CBR4: variants seen among roughly 807,000 people sequenced by gnomAD.
CBR4 encodes the protein carbonyl reductase 4.
A neutral mutation model predicts 21.0 loss-of-function variants in CBR4; 22 were observed. The observed-to-expected ratio is 1.05, with a 90% CI of 0.75 to 1.50. CBR4 has a LOEUF of 1.50. Among genes scored for constraint, CBR4 ranks in the 40% most tolerant of loss-of-function variants. CBR4 has a pLI of 0.00. For synonymous variants in CBR4, 100 were observed against 104.4 expected (o/e 0.96, Z 0.26); for missense variants, 302 against 286.3 (o/e 1.05, Z -0.40).
intron 2 of CBR4, among the ~76,000 whole-genome samples, chr4:168,935,732 G>T (rs1763093715): frequency 6.6e-6 from 1 of 152,230 alleles, no homozygotes; most frequent in South Asian, 2.1e-4. Context: ...TCTGGGCAGG[G>T]AATCTCTGAA....
intron 2 of CBR4, among the ~76,000 whole-genome samples, chr4:168,909,546 G>T (rs1758476656): frequency 6.6e-6 from 1 of 152,080 alleles, no homozygotes; most frequent in African/African-American, 2.4e-5. Context: ...TTAGTTTGTT[G>T]CTTGTGTTTT....
intron 3 of CBR4, chr4:169,005,876 G>T: frequency 1.6e-6 from 2 of 1,287,922 alleles, no homozygotes; most frequent in Non-Finnish European, 1.0e-6. Flanking sequence ...AAAGAACAGG[G>T]TCACTTACTT....
intron 4 of CBR4, among the ~76,000 whole-genome samples, chr4:168,992,226 G>A (rs1249017187): frequency 1.3e-5 from 2 of 152,156 alleles, no homozygotes; most frequent in Admixed American, 6.5e-5. Context: ...GGTTAAATAA[G>A]TTATGATACA....
intron 1 of CBR4, among the ~76,000 whole-genome samples, chr4:169,009,566 G>A (rs1337037483): frequency 1.3e-5 from 2 of 152,210 alleles, no homozygotes; most frequent in African/African-American, 4.8e-5. Context: ...TCCGGGGGCC[G>A]AGAACTCGCC....
At chr4:168,941,983 C>A (rs1299203668) in intron 2 of CBR4, among the ~76,000 whole-genome samples, 5 of 152,082 alleles carry the variant, frequency 3.3e-5, no homozygotes, top group African/African-American at 1.2e-4. Flanking sequence ...GGAACCAACC[C>A]AAATGCCCAT....
At position 168,994,745 on chromosome 4, in the gene CBR4, ATTTTTTTT is replaced by A. The variant is rs5863973; in HGVS notation, c.536-4425_536-4418del. ...AGGCGCCTACCACCACGCCTGGCTA[ATTTTTTTT>A]TTTTTTTTTTTTTTTTTTGAGACGG... On this transcript the variant is annotated intron_variant, in intron 4 of 4. Coordinates refer to ENST00000306193, the MANE Select transcript of CBR4 (RefSeq NM_032783.5). 3.7e-3 allele frequency among the ~76,000 whole-genome samples: 179 copies of A among 48,798 alleles called. 1 individual carries two copies. Among genetic ancestry groups the A allele is most frequent in the Non-Finnish European group, 3.7e-3 (99 of 26,420 alleles). The allele number at this position is 48,798 out of a possible 152,430, so 32.0% of individuals were successfully genotyped here.
At chr4:168,920,854 A>T (rs914054421) in intron 2 of CBR4, among the ~76,000 whole-genome samples, 2 of 152,200 alleles carry the variant, frequency 1.3e-5, no homozygotes, top group South Asian at 4.1e-4. Flanking sequence ...ACAGTACTAT[A>T]TATAAATGCC....
At chr4:168,904,076 T>C in intron 2 of CBR4, 1 of 661,166 alleles carries the variant, frequency 1.5e-6, no homozygotes. Context: ...AATTCTTTGT[T>C]TCATGAATAC....
At chr4:168,951,893 A>G (rs1321198628) in intron 2 of CBR4, among the ~76,000 whole-genome samples, 1 of 152,198 alleles carries the variant, frequency 6.6e-6, no homozygotes, top group East Asian at 1.9e-4. Flanking sequence ...CAATGTGCCT[A>G]GGTGATGATA....
chr4:168,906,941 C>T (rs1301982592), intron 2 of CBR4, among the ~76,000 whole-genome samples: 2 of 152,138 alleles, frequency 1.3e-5, no homozygotes, highest in African/African-American at 4.8e-5. Flanking sequence ...AGGGCAACAC[C>T]GATGATACTG....
chr4:168,926,077 A>G (rs1380893460), intron 2 of CBR4: 4 of 682,582 alleles, frequency 5.9e-6, no homozygotes, highest in Non-Finnish European at 9.2e-6. Context: ...AAGTGTTCCT[A>G]AATTTTCCAT....
intron 2 of CBR4, among the ~76,000 whole-genome samples, chr4:168,919,723 TG>T (rs1761041198): frequency 6.6e-6 from 1 of 152,152 alleles, no homozygotes; most frequent in Admixed American, 6.5e-5. Context: ...TATCCTTAAC[TG>T]GTACTAAATT....
At chr4:168,957,917 C>G (rs144473377) in intron 2 of CBR4, among the ~76,000 whole-genome samples, 1 of 152,314 alleles carries the variant, frequency 6.6e-6, no homozygotes, top group African/African-American at 2.4e-5. Context: ...CCTGCCTACA[C>G]TCAGCACTTC....
At chr4:168,995,351 G>A (rs1029100280) in intron 4 of CBR4, among the ~76,000 whole-genome samples, 3 of 152,162 alleles carry the variant, frequency 2.0e-5, no homozygotes, top group African/African-American at 7.2e-5. Flanking sequence ...GGCCACAAAA[G>A]TTGTGAGTGA....
intron 2 of CBR4, among the ~76,000 whole-genome samples, chr4:168,934,265 T>A (rs1186072613): frequency 3.4e-3 from 4 of 1,160 alleles, no homozygotes; most frequent in South Asian, 0.025. Flanking sequence ...TAAAAGAAAC[T>A]AGAAAAGCAA....
chr4:168,984,662 T>C (rs1269120617), downstream of CBR4, among the ~76,000 whole-genome samples: 2 of 152,104 alleles, frequency 1.3e-5, no homozygotes. Flanking sequence ...CTTCAAAATA[T>C]ACTAAAAGGC....
chr4:168,946,173 A>G (rs1763392267), intron 2 of CBR4, among the ~76,000 whole-genome samples: 1 of 152,198 alleles, frequency 6.6e-6, no homozygotes, highest in South Asian at 2.1e-4. Context: ...CAACTGAGGA[A>G]TAAAATGAAA....
chr4:169,004,193 A>G (rs1681089704), intron 3 of CBR4, among the ~76,000 whole-genome samples: 1 of 152,234 alleles, frequency 6.6e-6, no homozygotes, highest in Non-Finnish European at 1.5e-5. Context: ...CCGCCAGCAA[A>G]GATTATGACT....
intron 2 of CBR4, among the ~76,000 whole-genome samples, chr4:168,967,421 C>T (rs993597798): frequency 1.2e-4 from 18 of 151,938 alleles, no homozygotes; most frequent in African/African-American, 4.4e-4. Flanking sequence ...CGAGTTGATG[C>T]GTCCAGCAAA....
Sources: allele counts gnomAD v4.1 joint callset (sites outside exome capture counted in the v4.1 genomes callset), GRCh38; gene constraint gnomAD v4.1.1; transcripts MANE v1.5; gene names NCBI Gene and HGNC (gene_info 2026-07-23, HGNC 2026-07-21).